AHRR: variants seen among roughly 807,000 people sequenced by gnomAD.
AHRR encodes the protein ahR repressor.
Under a neutral mutation model 44.0 loss-of-function variants are expected in AHRR, and 28 were observed. That is an observed-to-expected ratio of 0.64 (90% CI 0.47 to 0.87). The LOEUF is 0.87. Among genes scored for constraint, AHRR ranks in the 40% least tolerant of loss-of-function variants. The pLI is 0.00. For synonymous variants in AHRR, 434 were observed against 407.0 expected, an observed-to-expected ratio of 1.07 and a Z score of -0.80; for missense variants, 990 against 953.9, an observed-to-expected ratio of 1.04 and a Z score of -0.50.
intron 1 of AHRR, among the ~76,000 whole-genome samples, chr5:339,014 A>G (rs1039051189): frequency 3.9e-5 from 6 of 152,184 alleles, no homozygotes; most frequent in African/African-American, 9.7e-5. Context: ...TAGAAACACA[A>G]TTTATTTTTG....
At chr5:324,383 A>G (rs901071853) in intron 1 of AHRR, among the ~76,000 whole-genome samples, 3 of 151,700 alleles carry the variant, frequency 2.0e-5, no homozygotes, top group South Asian at 2.1e-4. Flanking sequence ...AGCTGTTTCA[A>G]TGCGATGAGT....
At position 422,742 on chromosome 5, in the gene AHRR, A is replaced by G; in HGVS notation, c.455A>G (p.His152Arg). 1 of 1,614,162 alleles carries G rather than the reference A, an allele frequency of 6.2e-7. No individual in the cohort carries two copies. The highest frequency in any genetic ancestry group is 2.2e-5 in the East Asian group (1 of 44,886). ...GCGCTATTTCAGACGGATGTAATGC[A>G]CCAGAACATTTATGACTACATCCAC... ...YLGFHQTDVMHQNIYDYIHVD... is the reference protein window; with the variant it reads ...YLGFHQTDVMRQNIYDYIHVD... Residue 152 changes from histidine (H) to arginine (R), a missense_variant, in exon 6 of 11, where the codon CAC (histidine) becomes CGC (arginine). His to Arg is a conservative substitution (Grantham distance 29). Transcript: ENST00000684583.
At chr5:354,607 T>C (rs1742978924) in intron 3 of AHRR, among the ~76,000 whole-genome samples, 1 of 151,922 alleles carries the variant, frequency 6.6e-6, no homozygotes, top group Admixed American at 6.6e-5. Context: ...GTGTAGACCG[T>C]GGGGCCTTTG....
At chr5:416,572 C>T (rs372954692) in intron 5 of AHRR, among the ~76,000 whole-genome samples, 10 of 152,220 alleles carry the variant, frequency 6.6e-5, no homozygotes, top group South Asian at 2.1e-4. Context: ...GTGGGTCCCT[C>T]GTTCCCACAG....
chr5:418,545 C>T (rs1735924891), intron 5 of AHRR, among the ~76,000 whole-genome samples: 1 of 152,192 alleles, frequency 6.6e-6, no homozygotes, highest in South Asian at 2.1e-4. Context: ...CCTTTTGTTA[C>T]CTGACTGCGG....
chr5:434,427 C>G lies in AHRR; in HGVS notation c.1687C>G (p.Pro563Ala). 6.2e-7 allele frequency: 1 copy of G among 1,613,400 alleles called. No homozygotes were observed. Among genetic ancestry groups the G allele is most frequent in the Non-Finnish European group, 8.5e-7 (1 of 1,179,980 alleles). ...VWLGASDRSHPATFPTRMHLK... is the reference protein window; with the variant it reads ...VWLGASDRSHAATFPTRMHLK... ...GCTGGGGGCCAGTGACAGGAGCCAC[C>G]CAGCCACCTTCCCTACCAGGATGCA... The change falls in exon 11 of 11, where the codon CCA becomes GCA. Residue 563 changes from proline (P) to alanine (A), a missense_variant. Pro to Ala is a conservative substitution (Grantham distance 27, BLOSUM62 -1). Transcript: ENST00000684583.
chr5:345,012 CTG>C (rs1175394336), intron 2 of AHRR, among the ~76,000 whole-genome samples: 2 of 99,538 alleles, frequency 2.0e-5, no homozygotes, highest in African/African-American at 3.7e-5. Flanking sequence ...GAGTGTGAGG[CTG>C]TGTGTGTGCG....
chr5:325,328 G>A (rs942612904), intron 1 of AHRR, among the ~76,000 whole-genome samples: 4 of 152,216 alleles, frequency 2.6e-5, no homozygotes, highest in Non-Finnish European at 5.9e-5. Flanking sequence ...TGACCTCAAG[G>A]GGTGGTCGAG....
intron 2 of AHRR, among the ~76,000 whole-genome samples, chr5:351,762 C>G (rs1018491529): frequency 3.9e-4 from 59 of 152,340 alleles, no homozygotes; most frequent in East Asian, 5.8e-4. Flanking sequence ...AACAACTGCT[C>G]TGGGTTTGGC....
intron 2 of AHRR, among the ~76,000 whole-genome samples, chr5:348,419 C>T (rs369388417): frequency 2.6e-5 from 4 of 151,538 alleles, no homozygotes; most frequent in African/African-American, 4.9e-5. Flanking sequence ...AGGTGTGCAG[C>T]GGGTCCATTT....
chr5:402,905 C>A (rs959410099), intron 4 of AHRR, among the ~76,000 whole-genome samples: 2 of 152,166 alleles, frequency 1.3e-5, no homozygotes, highest in Non-Finnish European at 2.9e-5. Flanking sequence ...CACGGATGAA[C>A]CTGGAGGACA....
At chr5:386,728 G>A (rs1403050131) in intron 4 of AHRR, among the ~76,000 whole-genome samples, 2 of 152,258 alleles carry the variant, frequency 1.3e-5, no homozygotes, top group Non-Finnish European at 2.9e-5. Flanking sequence ...GTGTGGTAAT[G>A]TGCTACAGCA....
intron 3 of AHRR, among the ~76,000 whole-genome samples, chr5:360,413 G>A (rs942695426): frequency 1.3e-5 from 2 of 152,210 alleles, no homozygotes; most frequent in African/African-American, 2.4e-5. Flanking sequence ...GAAGTGGGGT[G>A]CCCTGCACTA....
chr5:391,139 G>A (rs1055763655), intron 4 of AHRR, among the ~76,000 whole-genome samples: 6 of 152,228 alleles, frequency 3.9e-5, no homozygotes, highest in Non-Finnish European at 7.3e-5. Flanking sequence ...CTCCATCAGC[G>A]GTGGTGTGAG....
chr5:333,421 C>T (rs560504932), intron 1 of AHRR, among the ~76,000 whole-genome samples: 1 of 152,228 alleles, frequency 6.6e-6, no homozygotes, highest in African/African-American at 2.4e-5. Context: ...CATGGTGAAA[C>T]CCCATCTCTA....
chr5:339,730 A>G (rs1742265829), intron 1 of AHRR, among the ~76,000 whole-genome samples: 1 of 151,928 alleles, frequency 6.6e-6, no homozygotes, highest in Admixed American at 6.6e-5. Context: ...GTTTGATGAG[A>G]GGTTTTTTTG....
intron 4 of AHRR, among the ~76,000 whole-genome samples, chr5:393,369 C>T (rs1044440719): frequency 2.0e-5 from 3 of 152,336 alleles, no homozygotes; most frequent in East Asian, 1.9e-4. Context: ...GCTCACTAAC[C>T]GATCCTTCCT....
chr5:401,289 C>A (rs1735004036), intron 4 of AHRR, among the ~76,000 whole-genome samples: 1 of 152,172 alleles, frequency 6.6e-6, no homozygotes, highest in East Asian at 1.9e-4. Flanking sequence ...AGTTTGGGTC[C>A]CCTAGTTCCA....
rs909829602 is a variant in AHRR at position 406,778 on chromosome 5, C to T, written c.352-6566C>T. Among the ~76,000 whole-genome samples the T allele has an allele frequency of 2.6e-5, 4 of 152,272 alleles. No individual in the cohort carries two copies. The highest frequency in any genetic ancestry group is 6.5e-5 in the Admixed American group (1 of 15,298). Reference sequence around the variant, plus strand: ...ATAAAAGCATGGGCCACTGCAGTCACGGTGATCCAGGAGTAAGGTGAGACC... The same window carrying T: ...ATAAAAGCATGGGCCACTGCAGTCATGGTGATCCAGGAGTAAGGTGAGACC... On this transcript the variant is annotated intron_variant, in intron 4 of 10. Transcript: ENST00000684583. The surrounding 1 kb of genome is among the most constrained non-coding windows in gnomAD (Gnocchi z 4.7).
Sources: gnomAD v4.1 joint callset for allele counts (sites outside exome capture counted in the v4.1 genomes callset) on GRCh38, gnomAD v4.1.1 for gene constraint, Gnocchi (gnomAD v3.1) non-coding constraint, MANE v1.5 for transcripts, NCBI Gene and HGNC (gene_info 2026-07-23, HGNC 2026-07-21) for gene names.